The following NOX3 variants were observed in gnomAD, a reference collection of about 807,000 sequenced individuals.
NOX3 encodes the protein NADPH oxidase 3.
NOX3 carries 74 observed loss-of-function variants against 76.7 expected under a neutral mutation model. The ratio of observed to expected loss-of-function variants is 0.96; its 90% CI spans 0.80 to 1.17. NOX3 has a LOEUF of 1.17. Ranked by LOEUF, NOX3 falls within the 50% of genes most tolerant of loss-of-function variation. The probability of loss-of-function intolerance (pLI) is 0.00; values close to 1 mark genes in which losing one functional copy is unlikely to be tolerated. For synonymous variants in NOX3, 263 were observed against 261.1 expected (o/e 1.01, Z -0.07); for missense variants, 695 against 703.3 (o/e 0.99, Z 0.13).
chr6:155,426,984 C>CGTGTGCGTGT (rs1554263747), intron 9 of NOX3, among the ~76,000 whole-genome samples: 3,394 of 41,656 alleles, frequency 0.081, 214 homozygotes, highest in Admixed American at 0.11. Flanking sequence ...GACACTGTGG[C>CGTGTGCGTGT]GTGTGTGTGT....
chr6:155,449,727 G>A (rs1415214785), intron 4 of NOX3, among the ~76,000 whole-genome samples: 1 of 152,176 alleles, frequency 6.6e-6, no homozygotes, highest in Non-Finnish European at 1.5e-5. Flanking sequence ...ACAGGGGAAC[G>A]GATGAGAAAT....
At chr6:155,401,250 A>G (rs1183763033) in intron 12 of NOX3, among the ~76,000 whole-genome samples, 1 of 152,188 alleles carries the variant, frequency 6.6e-6, no homozygotes, top group Non-Finnish European at 1.5e-5. Context: ...CTTGGGTCTA[A>G]CCAGAGAGAT....
chr6:155,438,416 C>T (rs1463111181), intron 6 of NOX3, among the ~76,000 whole-genome samples: 1 of 152,190 alleles, frequency 6.6e-6, no homozygotes, highest in Non-Finnish European at 1.5e-5. Context: ...TGGACTGACC[C>T]GGTTACTAAG....
At chr6:155,428,736 T>C in intron 9 of NOX3, 58 bp downstream of exon 9, 10 of 1,436,746 alleles carry the variant, frequency 7.0e-6, no homozygotes, top group Middle Eastern at 2.7e-4. Flanking sequence ...GTTGATACAT[T>C]AAGATACCTT....
intron 11 of NOX3, among the ~76,000 whole-genome samples, chr6:155,408,477 C>T (rs969217511): frequency 7.9e-5 from 12 of 152,262 alleles, no homozygotes; most frequent in Non-Finnish European, 8.8e-5. Context: ...CTGGGTGCAA[C>T]TCATGCCCCA....
chr6:155,436,431 C>G lies in NOX3; in HGVS notation c.785G>C (p.Gly262Ala), dbSNP rs568380489. 1.3e-4 allele frequency: 209 copies of G among 1,614,024 alleles called. 8 individuals carry two copies. The South Asian group carries it at 2.2e-3, about 17-fold the overall frequency. The change falls in exon 7 of 14, where the codon GGC (glycine) becomes GCC (alanine). Residue 262 changes from glycine to alanine, a missense_variant. Coordinates refer to ENST00000159060, the MANE Select transcript of NOX3 (RefSeq NM_015718.3). ...GTTCATTCTTACCGAGGGTTCCTTG[C>G]CAGAAAATTGAGGCACGGGGCATTG... Reference protein sequence around the residue: ...VAQCPVPQFSGKEPSAWKWIL... With the variant: ...VAQCPVPQFSAKEPSAWKWIL...
intron 12 of NOX3, among the ~76,000 whole-genome samples, chr6:155,399,669 C>G (rs947220745): frequency 3.9e-5 from 6 of 152,028 alleles, no homozygotes; most frequent in Non-Finnish European, 5.9e-5. Context: ...CAAATGCATA[C>G]TGTGAATCAC....
intron 12 of NOX3, among the ~76,000 whole-genome samples, chr6:155,399,280 T>C (rs1779179842): frequency 6.6e-6 from 1 of 152,204 alleles, no homozygotes; most frequent in Non-Finnish European, 1.5e-5. Flanking sequence ...GCTCTTTCGT[T>C]TGCAGCAACA....
chr6:155,414,997 G>A (rs1776606385), intron 10 of NOX3, among the ~76,000 whole-genome samples: 1 of 152,064 alleles, frequency 6.6e-6, no homozygotes, highest in Non-Finnish European at 1.5e-5. Flanking sequence ...TGGCGTTGAG[G>A]GTTTCTGTGT....
intron 6 of NOX3, among the ~76,000 whole-genome samples, chr6:155,438,211 G>A (rs1582943302): frequency 6.6e-6 from 1 of 152,220 alleles, no homozygotes; most frequent in East Asian, 1.9e-4. Context: ...GGCGTCGGGG[G>A]CAGAATCAGC....
At chr6:155,440,204 G>T in intron 5 of NOX3, 67 bp from the exon 6 acceptor site, 3 of 1,314,100 alleles carry the variant, frequency 2.3e-6, no homozygotes, top group Non-Finnish European at 3.1e-6. Context: ...TAAATATCCT[G>T]GCATATTTTT....
chr6:155,396,064 G>A (rs1000711738), intron 13 of NOX3, among the ~76,000 whole-genome samples: 4 of 152,124 alleles, frequency 2.6e-5, no homozygotes, highest in Non-Finnish European at 4.4e-5. Context: ...CATTTTAAAA[G>A]GATGTGAAGA....
rs1275980144 is a variant in NOX3, at chr6:155,422,865, A to G, written c.1146-9T>C. 5 of 1,614,012 alleles carry G rather than the reference A, an allele frequency of 3.1e-6. No individual in the cohort carries two copies. Among genetic ancestry groups the G allele is most frequent in the Non-Finnish European group, 4.2e-6 (5 of 1,179,888 alleles). On this transcript the variant is annotated splice_polypyrimidine_tract_variant and intron_variant, in intron 9 of 13. Coordinates refer to ENST00000159060, the MANE Select transcript of NOX3 (RefSeq NM_015718.3). Reference sequence around the variant, plus strand: ...GCCCGTCCACTGCCAGCCTGGAATCATAGAGGAATGCAGCCTATTTGACCT... The same window carrying G: ...GCCCGTCCACTGCCAGCCTGGAATCGTAGAGGAATGCAGCCTATTTGACCT...
At chr6:155,449,233 A>G (rs1777103914) in intron 4 of NOX3, among the ~76,000 whole-genome samples, 1 of 151,964 alleles carries the variant, frequency 6.6e-6, no homozygotes, top group Admixed American at 6.6e-5. Context: ...AATTTTAGCA[A>G]CTCATCAGGA....
intron 4 of NOX3, among the ~76,000 whole-genome samples, chr6:155,448,602 TC>T: frequency 6.7e-6 from 1 of 148,190 alleles, no homozygotes; most frequent in East Asian, 2.0e-4. Context: ...TATGTGGACT[TC>T]TGAGTTCAAA....
At chr6:155,402,799 C>T (rs796881276) in intron 12 of NOX3, among the ~76,000 whole-genome samples, 9 of 152,262 alleles carry the variant, frequency 5.9e-5, no homozygotes, top group African/African-American at 2.2e-4. Context: ...CCGGAGAATC[C>T]TCGGCTTCGT....
intron 4 of NOX3, among the ~76,000 whole-genome samples, chr6:155,446,228 A>G (rs1777063852): frequency 6.6e-6 from 1 of 151,948 alleles, no homozygotes; most frequent in African/African-American, 2.4e-5. Flanking sequence ...TGCCTTGTTT[A>G]GCCTCAGCAT....
intron 8 of NOX3, among the ~76,000 whole-genome samples, 154 bp downstream of exon 8, chr6:155,430,689 A>G (rs1349173826): frequency 2.0e-5 from 3 of 152,124 alleles, no homozygotes; most frequent in Non-Finnish European, 2.9e-5. Context: ...GTCACACTAA[A>G]AGATGCTCAG....
chr6:155,432,136 A>G (rs1434234924), intron 7 of NOX3, among the ~76,000 whole-genome samples: 1 of 152,134 alleles, frequency 6.6e-6, no homozygotes, highest in Non-Finnish European at 1.5e-5. Flanking sequence ...TTTGATACAT[A>G]CAATGTATCA....
Sources: gnomAD v4.1 joint callset for allele counts (sites outside exome capture counted in the v4.1 genomes callset) on GRCh38, gnomAD v4.1.1 for gene constraint, MANE v1.5 for transcripts, NCBI Gene and HGNC (gene_info 2026-07-23, HGNC 2026-07-21) for gene names.